RBPJ: variants seen among roughly 807,000 people sequenced by gnomAD.
The protein encoded by RBPJ is recombining binding protein suppressor of hairless.
Under a neutral mutation model 67.8 loss-of-function variants are expected in RBPJ, and 9 were observed. The observed-to-expected ratio is 0.13, with a 90% CI of 0.08 to 0.23. The LOEUF (loss-of-function observed/expected upper bound fraction) is 0.23, where lower values mean the gene tolerates loss of function less well. Among genes scored for constraint, RBPJ ranks in the 10% least tolerant of loss-of-function variants. The pLI is 1.00. For missense variants in RBPJ, 305 were observed against 595.6 expected (o/e 0.51, Z 5.08); for synonymous variants, 198 against 203.3 (o/e 0.97, Z 0.22).
intron 1 of RBPJ, among the ~76,000 whole-genome samples, chr4:26,314,214 A>G (rs1049106966): frequency 6.6e-6 from 1 of 152,208 alleles, no homozygotes; most frequent in African/African-American, 2.4e-5. Flanking sequence ...GCCTCTGCTT[A>G]TTAATAAATA....
intron 1 of RBPJ, among the ~76,000 whole-genome samples, chr4:26,266,031 C>CAAAAAAAAA (rs1156939620): frequency 2.8e-5 from 4 of 144,510 alleles, no homozygotes; most frequent in Middle Eastern, 3.6e-3. Context: ...GACTGTATCT[C>CAAAAAAAAA]AAAAAAAAAA....
intron 1 of RBPJ, among the ~76,000 whole-genome samples, chr4:26,218,837 C>T (rs1190397105): frequency 1.3e-5 from 2 of 152,212 alleles, no homozygotes; most frequent in African/African-American, 4.8e-5. Context: ...CACAGAGCCA[C>T]GTGGAGCCAG....
chr4:26,398,689 CT>C (rs1732423342), intron 2 of RBPJ, among the ~76,000 whole-genome samples: 1 of 152,218 alleles, frequency 6.6e-6, no homozygotes, highest in Non-Finnish European at 1.5e-5. Flanking sequence ...TCTCAGCTCA[CT>C]GCAACTTCTG....
intron 3 of RBPJ, among the ~76,000 whole-genome samples, chr4:26,408,749 T>C (rs1733728810): frequency 6.6e-6 from 1 of 152,212 alleles, no homozygotes; most frequent in African/African-American, 2.4e-5. Flanking sequence ...AGGTTGACAT[T>C]AGTTAGGAAT....
intron 1 of RBPJ, among the ~76,000 whole-genome samples, chr4:26,214,078 A>C (rs1560213434): frequency 1.3e-5 from 2 of 151,664 alleles, no homozygotes; most frequent in African/African-American, 2.4e-5. Context: ...TAAGCTCAGG[A>C]GCTCAAGACC....
chr4:26,263,712 C>T (rs960610590), intron 1 of RBPJ, among the ~76,000 whole-genome samples: 1 of 152,088 alleles, frequency 6.6e-6, no homozygotes, highest in African/African-American at 2.4e-5. Context: ...CCTGGGACTA[C>T]AGGTGCGTGC....
intron 1 of RBPJ, chr4:26,362,465 A>G (rs959044569): frequency 3.6e-5 from 53 of 1,458,416 alleles, no homozygotes; most frequent in Middle Eastern, 2.5e-4. Flanking sequence ...TTATGAGACT[A>G]TCATTCAAAT....
At chr4:26,231,095 C>T (rs540527338) in intron 1 of RBPJ, among the ~76,000 whole-genome samples, 3 of 152,228 alleles carry the variant, frequency 2.0e-5, no homozygotes, top group South Asian at 2.1e-4. Context: ...GCCATTTCTG[C>T]GATCTGACCT....
intron 1 of RBPJ, among the ~76,000 whole-genome samples, chr4:26,202,453 G>A (rs1166224598): frequency 6.6e-6 from 1 of 151,364 alleles, no homozygotes; most frequent in Non-Finnish European, 1.5e-5. Flanking sequence ...CTTCCCCCCA[G>A]CCCAGCTTCA....
chr4:26,125,849 A>G, the RBPJ span, among the ~76,000 whole-genome samples: 25 of 152,130 alleles, frequency 1.6e-4, 1 homozygote, highest in African/African-American at 5.5e-4. Context: ...AGGCACCCTC[A>G]TGGCGGATTA....
At chr4:26,244,342 T>C (rs1719817631) in intron 1 of RBPJ, among the ~76,000 whole-genome samples, 2 of 140,186 alleles carry the variant, frequency 1.4e-5, no homozygotes, top group Admixed American at 7.3e-5. Context: ...TGTGTACACA[T>C]ATGTGTGTAT....
chr4:26,424,337 T>G lies in RBPJ; in HGVS notation c.497-5T>G. On this transcript the variant is annotated splice_region_variant and splice_polypyrimidine_tract_variant and intron_variant, in intron 5 of 10. Coordinates refer to ENST00000355476, the MANE Select transcript of RBPJ (RefSeq NM_015874.6). The surrounding 1 kb of genome is among the most constrained non-coding windows in gnomAD (Gnocchi z 5.3). ...ACATAAATAAGAGCTGTTTTTTCTTTGCAGTATGCATTGCCTCAGGAACAA... is the reference window on the plus strand; with the variant it reads ...ACATAAATAAGAGCTGTTTTTTCTTGGCAGTATGCATTGCCTCAGGAACAA... 1 of 1,613,082 alleles carries G rather than the reference T, an allele frequency of 6.2e-7. No homozygotes were observed. The highest frequency in any genetic ancestry group is 8.5e-7 in the Non-Finnish European group (1 of 1,179,766).
In RBPJ at chr4:26,424,364, G is replaced by A; in HGVS notation, c.519G>A (p.Lys173=). Residue 173 remains lysine, a synonymous_variant, in exon 6 of 11, where the codon AAG becomes AAA. Transcript: ENST00000355476. This position sits in a 1 kb window ranked among gnomAD's most constrained non-coding sequence, Gnocchi z 5.3. ...NADLCIASGT[K]VALFNRLRSQ... ...CAGTATGCATTGCCTCAGGAACAAA[G>A]GTGGCTCTGTTTAATCGACTACGAT... The A allele has an allele frequency of 6.2e-7, 1 of 1,613,910 alleles. No homozygotes were observed. The highest frequency in any genetic ancestry group is 8.5e-7 in the Non-Finnish European group (1 of 1,180,000).
intron 1 of RBPJ, among the ~76,000 whole-genome samples, chr4:26,280,586 T>G (rs1393882086): frequency 3.9e-5 from 6 of 152,154 alleles, no homozygotes; most frequent in Non-Finnish European, 8.8e-5. Flanking sequence ...ATTTACAAAT[T>G]TATTATTAAA....
intron 1 of RBPJ, among the ~76,000 whole-genome samples, chr4:26,334,519 C>G (rs1724605383): frequency 6.6e-6 from 1 of 152,172 alleles, no homozygotes; most frequent in Non-Finnish European, 1.5e-5. Context: ...GAGAATTCTT[C>G]TGAGGATCAA....
intron 1 of RBPJ, among the ~76,000 whole-genome samples, chr4:26,350,089 G>A (rs1301296703): frequency 6.6e-6 from 1 of 152,152 alleles, no homozygotes; most frequent in Non-Finnish European, 1.5e-5. Flanking sequence ...TGCCTGTCGT[G>A]TAAGACATAA....
intron 1 of RBPJ, among the ~76,000 whole-genome samples, chr4:26,371,415 G>T (rs1729148931): frequency 6.6e-6 from 1 of 152,062 alleles, no homozygotes; most frequent in East Asian, 1.9e-4. Context: ...TTATAACTTT[G>T]GCCATATTTC....
chr4:26,307,016 T>G lies in RBPJ; in HGVS notation c.-166-55430T>G, dbSNP rs557705013. Among the ~76,000 whole-genome samples the G allele has an allele frequency of 1.3e-4, 20 of 152,286 alleles. No individual in the cohort carries two copies. The East Asian group carries it at 3.8e-3, about 29-fold the overall frequency. On this transcript the variant is annotated intron_variant, in intron 1 of 4. Coordinates refer to the RBPJ transcript ENST00000512351. Reference sequence around the variant, plus strand: ...TACTCTGGGTACTTCACATAAAATATTCTCTATCAGTTTATAATAATAAAA... The same window carrying G: ...TACTCTGGGTACTTCACATAAAATAGTCTCTATCAGTTTATAATAATAAAA...
intron 1 of RBPJ, among the ~76,000 whole-genome samples, chr4:26,186,479 G>A (rs115511018): frequency 3.3e-5 from 5 of 152,306 alleles, no homozygotes; most frequent in African/African-American, 9.6e-5. Flanking sequence ...GAGCAAACTA[G>A]TCTGAAGGGC....
Sources: allele counts gnomAD v4.1 joint callset (sites outside exome capture counted in the v4.1 genomes callset), GRCh38; gene constraint gnomAD v4.1.1; non-coding constraint Gnocchi (gnomAD v3.1); transcripts MANE v1.5; gene names NCBI Gene and HGNC (gene_info 2026-07-23, HGNC 2026-07-21).